Variants in PCBP2 observed in about 807,000 individuals in gnomAD.
PCBP2 encodes poly(rC)-binding protein 2.
PCBP2 carries 4 observed loss-of-function variants against 50.1 expected under a neutral mutation model. That is an observed-to-expected ratio of 0.08 (90% CI 0.04 to 0.18). PCBP2 has a LOEUF of 0.18. PCBP2 is among the 10% of genes least tolerant of loss of function. PCBP2 has a pLI of 1.00. For synonymous variants in PCBP2, 179 were observed against 168.0 expected, an observed-to-expected ratio of 1.07 and a Z score of -0.51; for missense variants, 161 against 474.3, an observed-to-expected ratio of 0.34 and a Z score of 6.14.
intron 13 of PCBP2, among the ~76,000 whole-genome samples, chr12:53,469,136 A>C (rs540464391): frequency 6.6e-6 from 1 of 152,040 alleles, no homozygotes; most frequent in African/African-American, 2.4e-5. Context: ...TCCCGAGCTC[A>C]GGTGATCCAC....
At chr12:53,457,344 G>C (rs1321286846) in intron 5 of PCBP2, among the ~76,000 whole-genome samples, 1 of 152,126 alleles carries the variant, frequency 6.6e-6, no homozygotes, top group African/African-American at 2.4e-5. Flanking sequence ...GAGCCACCAT[G>C]CCCAGCCTGG....
At chr12:53,455,322 C>G in intron 2 of PCBP2, 25 bp from the exon 3 acceptor site, 1 of 1,607,492 alleles carries the variant, frequency 6.2e-7, no homozygotes, top group Non-Finnish European at 8.5e-7. Context: ...TTTCCTCTTA[C>G]TGACGTTAGT....
chr12:53,474,739 G>A (rs999465488), intron 14 of PCBP2: 4 of 334,516 alleles, frequency 1.2e-5, no homozygotes, highest in Non-Finnish European at 2.4e-5. Flanking sequence ...GTTGACACTA[G>A]GTCTTCCTAA....
intron 13 of PCBP2, among the ~76,000 whole-genome samples, chr12:53,469,803 C>T (rs1404919431): frequency 7.7e-6 from 1 of 129,772 alleles, no homozygotes; most frequent in Non-Finnish European, 1.6e-5. Context: ...GCTCTGTTTC[C>T]CAGGCTTGGC....
In PCBP2 at chr12:53,463,027, C is replaced by T. The variant is rs556516662; in HGVS notation, c.579+460C>T. ...CACCTCACCTCCCCTACTCCTACCC[C>T]TTCACTCCCAAACTCCAGTGTGTTG... On this transcript the variant is annotated intron_variant, in intron 8 of 14. Coordinates refer to ENST00000546463, the MANE Select transcript of PCBP2 (RefSeq NM_031989.5). Among the ~76,000 whole-genome samples the T allele has an allele frequency of 2.6e-5, 4 of 152,280 alleles. No individual in the cohort carries two copies. In the East Asian group the frequency reaches 7.7e-4, roughly 29 times the overall value.
In PCBP2 at chr12:53,471,858, T is replaced by A. The variant is rs753387414; in HGVS notation, c.1052+51T>A. The stretch of plus-strand genomic sequence containing the variant: ...ATTTATGCCAACACAGTAATGTGTG[T>A]GTTGGGGAGAGCTGCAGTGTATTAA... On this transcript the variant is annotated intron_variant, in intron 14 of 14. Transcript: ENST00000546463. 17 of 1,515,232 alleles carry A rather than the reference T, an allele frequency of 1.1e-5. No individual in the cohort carries two copies. In the African/African-American group the frequency reaches 2.1e-4, roughly 18 times the overall value. 93.9% of individuals were successfully genotyped at this position (1,515,232 alleles called of 1,614,324 possible).
At chr12:53,453,838 A>G (rs1466877749) in intron 1 of PCBP2, among the ~76,000 whole-genome samples, 1 of 152,262 alleles carries the variant, frequency 6.6e-6, no homozygotes, top group Non-Finnish European at 1.5e-5. Context: ...GAACAATGTT[A>G]GGAATTGTTT....
intron 14 of PCBP2, among the ~76,000 whole-genome samples, chr12:53,472,366 T>TTCTG (rs1555208350): frequency 1.3e-5 from 2 of 152,186 alleles, no homozygotes; most frequent in African/African-American, 4.8e-5. Context: ...GAAGTGTGTT[T>TTCTG]TCTATCTCAC....
chr12:53,470,513 T>C (rs1409232707), intron 13 of PCBP2, among the ~76,000 whole-genome samples: 4 of 149,542 alleles, frequency 2.7e-5, no homozygotes, highest in African/African-American at 9.8e-5. Flanking sequence ...TAAGAGATCC[T>C]CCCATCTCAG....
At chr12:53,455,308 T>G (rs1378235578) in intron 2 of PCBP2, 39 bp from the exon 3 acceptor site, 1 of 1,586,252 alleles carries the variant, frequency 6.3e-7, no homozygotes, top group Non-Finnish European at 8.6e-7. Context: ...GGAATACTTC[T>G]GAGTTTCCTC....
chr12:53,459,820 T>C (rs772356564), intron 6 of PCBP2: 1 of 451,746 alleles, frequency 2.2e-6, no homozygotes, highest in South Asian at 1.6e-5. Context: ...AGTGGCGCAG[T>C]CATGGCTCAC....
chr12:53,469,185 A>AG (rs534412050), intron 13 of PCBP2, among the ~76,000 whole-genome samples: 310 of 152,186 alleles, frequency 2.0e-3, no homozygotes, highest in Non-Finnish European at 3.5e-3. Context: ...TACAGGTCTG[A>AG]GTCACCGCAC....
rs947464111 is a variant in PCBP2, at chr12:53,480,101, T to C, written c.*659T>C. On this transcript the variant is annotated 3_prime_UTR_variant, in exon 15 of 15. Coordinates refer to ENST00000546463, the MANE Select transcript of PCBP2 (RefSeq NM_031989.5). ...TAGGGGAGTAGGCAAGCACTTCCAC[T>C]AGGGAGGGGGTGGGGGAAAGGAATG... 1 of 151,126 alleles carries C rather than the reference T, an allele frequency of 6.6e-6. No individual in the cohort carries two copies. The highest frequency in any genetic ancestry group is 2.4e-5 in the African/African-American group (1 of 40,994). 9.4% of individuals were successfully genotyped at this position (151,126 alleles called of 1,614,324 possible). A position where few individuals can be genotyped will look rare whatever the true frequency, so the allele number is the denominator to read the frequency against.
At chr12:53,464,927 C>A in intron 9 of PCBP2, 75 bp downstream of exon 9, 1 of 1,472,502 alleles carries the variant, frequency 6.8e-7, no homozygotes, top group Non-Finnish European at 8.9e-7. Context: ...ACACGGGGGG[C>A]CAGTGGCGCT....
intron 13 of PCBP2, 36 bp from the exon 14 acceptor site, chr12:53,471,602 T>C: frequency 6.3e-7 from 1 of 1,579,750 alleles, no homozygotes; most frequent in Non-Finnish European, 8.6e-7. Flanking sequence ...CATGCAACTC[T>C]AATTCGGTGT....
intron 4 of PCBP2, 40 bp downstream of exon 4, chr12:53,455,533 A>G (rs375898064): frequency 2.8e-5 from 44 of 1,598,198 alleles, no homozygotes; most frequent in Admixed American, 1.2e-4. Context: ...TTTGGGAAGT[A>G]AAAAACCTTT....
At chr12:53,478,829 A>G (rs532209160) in intron 14 of PCBP2, among the ~76,000 whole-genome samples, 1 of 152,194 alleles carries the variant, frequency 6.6e-6, no homozygotes, top group African/African-American at 2.4e-5. Flanking sequence ...ATCTGAGTAT[A>G]ATTCTTGACC....
chr12:53,475,109 G>A (rs1390119169), intron 14 of PCBP2: 5 of 456,216 alleles, frequency 1.1e-5, no homozygotes, highest in Non-Finnish European at 1.8e-5. Context: ...TAAATGTTGT[G>A]TCTGCTGCTA....
At chr12:53,469,760 C>CCT (rs1942078548) in intron 13 of PCBP2, among the ~76,000 whole-genome samples, 2 of 114,170 alleles carry the variant, frequency 1.8e-5, no homozygotes, top group East Asian at 2.3e-4. Context: ...ACATTTGCTG[C>CCT]TTTTTTTTTT....
Sources: allele counts gnomAD v4.1 joint callset (sites outside exome capture counted in the v4.1 genomes callset), GRCh38; gene constraint gnomAD v4.1.1; transcripts MANE v1.5; gene names NCBI Gene and HGNC (gene_info 2026-07-23, HGNC 2026-07-21).